Variants in IMMP2L observed in about 807,000 individuals in gnomAD.
IMMP2L encodes mitochondrial inner membrane protease subunit 2.
A neutral mutation model predicts 19.3 loss-of-function variants in IMMP2L; 18 were observed. The observed-to-expected ratio is 0.93, with a 90% CI of 0.64 to 1.38. The LOEUF is 1.38. Ranked by LOEUF, IMMP2L falls within the 40% of genes most tolerant of loss-of-function variation. IMMP2L has a pLI of 0.00. For missense variants in IMMP2L, 233 were observed against 218.2 expected (o/e 1.07, Z -0.43); for synonymous variants, 76 against 73.0 (o/e 1.04, Z -0.21).
At chr7:111,176,051 C>G (rs1363046513) in intron 3 of IMMP2L, among the ~76,000 whole-genome samples, 1 of 151,888 alleles carries the variant, frequency 6.6e-6, no homozygotes, top group Non-Finnish European at 1.5e-5. Context: ...CAGAGAAATG[C>G]AAAGCGAAAC....
chr7:111,059,925 AAAAAAAAAAAG>A (rs1197962531), intron 3 of IMMP2L, among the ~76,000 whole-genome samples: 3 of 50,942 alleles, frequency 5.9e-5, no homozygotes, highest in African/African-American at 1.3e-4. Context: ...CTAATTGTGA[AAAAAAAAAAAG>A]AAAAAAAAAG....
At chr7:111,097,675 A>G (rs968331593) in intron 3 of IMMP2L, among the ~76,000 whole-genome samples, 1 of 151,924 alleles carries the variant, frequency 6.6e-6, no homozygotes, top group African/African-American at 2.4e-5. Flanking sequence ...CTGTATCGCT[A>G]TATTTATATG....
At chr7:110,945,725 G>C (rs968004088) in intron 4 of IMMP2L, among the ~76,000 whole-genome samples, 7 of 150,746 alleles carry the variant, frequency 4.6e-5, no homozygotes. Flanking sequence ...TTGTAATCAC[G>C]GAGAGGTCAG....
intron 4 of IMMP2L, 31 bp from the exon 5 acceptor site, chr7:110,886,726 T>C (rs988585753): frequency 9.2e-7 from 1 of 1,088,126 alleles, no homozygotes; most frequent in African/African-American, 1.6e-5. Context: ...CACTGAGATA[T>C]GAGTAGAAAA....
chr7:110,802,126 C>A (rs925321104), intron 5 of IMMP2L, among the ~76,000 whole-genome samples: 16 of 152,010 alleles, frequency 1.1e-4, no homozygotes, highest in African/African-American at 3.6e-4. Context: ...AGTCATTGAT[C>A]TTGGTCATCT....
chr7:110,745,658 A>G (rs1164529973), intron 5 of IMMP2L, among the ~76,000 whole-genome samples: 1 of 152,218 alleles, frequency 6.6e-6, no homozygotes, highest in Admixed American at 6.5e-5. Context: ...ACTAAGCTTC[A>G]TAAGTGAAGG....
At chr7:110,891,797 G>A (rs1332161542) in intron 4 of IMMP2L, among the ~76,000 whole-genome samples, 1 of 152,094 alleles carries the variant, frequency 6.6e-6, no homozygotes, top group Non-Finnish European at 1.5e-5. Flanking sequence ...AAGAAGTAAT[G>A]AACTGGAGTA....
intron 5 of IMMP2L, among the ~76,000 whole-genome samples, chr7:110,847,246 T>C (rs1805756150): frequency 6.6e-6 from 1 of 152,120 alleles, no homozygotes; most frequent in African/African-American, 2.4e-5. Context: ...CCATAATACA[T>C]TGAAAAGGTT....
At chr7:110,850,578 T>TCTA (rs1227633756) in intron 5 of IMMP2L, among the ~76,000 whole-genome samples, 1 of 152,038 alleles carries the variant, frequency 6.6e-6, no homozygotes, top group Non-Finnish European at 1.5e-5. Context: ...AAGACTGCTG[T>TCTA]CTAATACCAC....
chr7:111,022,691 T>C (rs1826410123), intron 3 of IMMP2L, among the ~76,000 whole-genome samples: 1 of 152,200 alleles, frequency 6.6e-6, no homozygotes, highest in Non-Finnish European at 1.5e-5. Context: ...GGATGATCTA[T>C]ATCCTATAGC....
intron 2 of IMMP2L, among the ~76,000 whole-genome samples, chr7:111,491,810 A>G (rs1338300451): frequency 6.6e-6 from 1 of 152,002 alleles, no homozygotes; most frequent in African/African-American, 2.4e-5. Context: ...TATAACTGAC[A>G]CTGTAAAGGT....
intron 3 of IMMP2L, among the ~76,000 whole-genome samples, chr7:111,391,227 T>A (rs1832325488): frequency 6.6e-6 from 1 of 152,114 alleles, no homozygotes; most frequent in Admixed American, 6.6e-5. Flanking sequence ...GGAGCAGCTC[T>A]CTTGCTGATA....
intron 1 of IMMP2L, among the ~76,000 whole-genome samples, chr7:111,535,738 G>T (rs1442868898): frequency 6.6e-6 from 1 of 152,120 alleles, no homozygotes. Flanking sequence ...ATACATTGTA[G>T]GACTCAGCAA....
At chr7:111,014,741 A>C (rs1825332176) in intron 3 of IMMP2L, among the ~76,000 whole-genome samples, 1 of 152,186 alleles carries the variant, frequency 6.6e-6, no homozygotes, top group African/African-American at 2.4e-5. Context: ...AAACCAAATA[A>C]GCCATCTAAA....
intron 3 of IMMP2L, among the ~76,000 whole-genome samples, chr7:111,084,375 C>A (rs1016594753): frequency 6.7e-6 from 1 of 149,970 alleles, no homozygotes; most frequent in Admixed American, 6.6e-5. Flanking sequence ...CAGCTTTAGA[C>A]ACGTAGAGTA....
chr7:110,828,157 A>T (rs73419222), intron 5 of IMMP2L, among the ~76,000 whole-genome samples: 20,160 of 152,198 alleles, frequency 0.13, 2,277 homozygotes, highest in African/African-American at 0.31. Context: ...AGATGGTCTC[A>T]GAAAACTATT....
At chr7:111,356,072 T>C (rs946884785) in intron 3 of IMMP2L, among the ~76,000 whole-genome samples, 5 of 152,134 alleles carry the variant, frequency 3.3e-5, no homozygotes, top group African/African-American at 9.6e-5. Flanking sequence ...AAACATTAAA[T>C]TTAAATTTAG....
Position 111,027,588 on chromosome 7 carries a change from C to T in IMMP2L, c.240-64023G>A, listed in dbSNP as rs938041346. Among the ~76,000 whole-genome samples the T allele has an allele frequency of 2.6e-4, 39 of 151,814 alleles. 2 individuals are homozygous for T. The highest frequency in any genetic ancestry group is 1.2e-3 in the Admixed American group (18 of 15,230). On this transcript the variant is annotated intron_variant, in intron 3 of 5. Transcript: ENST00000405709. Reference sequence around the variant, plus strand: ...TAGTGGGAACTTCCTGGTTTCTTCTCGGAGGGGATTCTGGAGGTACACAGG... The same window carrying T: ...TAGTGGGAACTTCCTGGTTTCTTCTTGGAGGGGATTCTGGAGGTACACAGG...
At chr7:111,086,857 T>G (rs1796386785) in intron 3 of IMMP2L, among the ~76,000 whole-genome samples, 2 of 152,246 alleles carry the variant, frequency 1.3e-5, no homozygotes, top group Admixed American at 1.3e-4. Flanking sequence ...GAACAACCAC[T>G]ACTGTATAAA....
Sources: allele counts gnomAD v4.1 joint callset (sites outside exome capture counted in the v4.1 genomes callset), GRCh38; gene constraint gnomAD v4.1.1; transcripts MANE v1.5; gene names NCBI Gene and HGNC (gene_info 2026-07-23, HGNC 2026-07-21).